Variants in PLEKHF2 observed in about 807,000 individuals in gnomAD.
PLEKHF2 encodes pleckstrin homology domain-containing family F member 2.
Under a neutral mutation model 14.7 loss-of-function variants are expected in PLEKHF2, and 4 were observed. The ratio of observed to expected loss-of-function variants is 0.27; its 90% CI spans 0.13 to 0.62. The LOEUF (loss-of-function observed/expected upper bound fraction) is 0.62, where lower values mean the gene tolerates loss of function less well. PLEKHF2 is among the 20% of genes least tolerant of loss of function. The pLI is 0.85. For missense variants in PLEKHF2, 201 were observed against 307.7 expected, an observed-to-expected ratio of 0.65 and a Z score of 2.60; for synonymous variants, 90 against 103.5, an observed-to-expected ratio of 0.87 and a Z score of 0.79.
At chr8:95,134,648 A>T (rs1187428463) in intron 1 of PLEKHF2, among the ~76,000 whole-genome samples, 1 of 152,082 alleles carries the variant, frequency 6.6e-6, no homozygotes. Context: ...TTTTCTTTTT[A>T]AAAATGTGAT....
At position 95,136,369 on chromosome 8, in the gene PLEKHF2, CACACAT is replaced by C. The variant is rs1295757377; in HGVS notation, c.-15+2340_-15+2345del. Among the ~76,000 whole-genome samples, 878 of 145,046 alleles carry C rather than the reference CACACAT, an allele frequency of 6.1e-3. 11 individuals are homozygous for C. Among genetic ancestry groups the C allele is most frequent in the African/African-American group, 0.022 (823 of 37,982 alleles). ...ACACACACACACACACACACACACA[CACACAT>C]GTTTTGTTGTTGTTTTGTTGAGAAT... On this transcript the variant is annotated intron_variant, in intron 1 of 1. Coordinates refer to ENST00000315367, the MANE Select transcript of PLEKHF2 (RefSeq NM_024613.4).
chr8:95,148,545 A>G (rs190522871), intron 1 of PLEKHF2, among the ~76,000 whole-genome samples: 3 of 152,228 alleles, frequency 2.0e-5, no homozygotes, highest in Non-Finnish European at 4.4e-5. Flanking sequence ...AGATCTTAGA[A>G]TAGGTAAAAA....
At chr8:95,153,550 A>G (rs74666585) in intron 1 of PLEKHF2, among the ~76,000 whole-genome samples, 4 of 152,310 alleles carry the variant, frequency 2.6e-5, no homozygotes, top group African/African-American at 2.4e-5. Flanking sequence ...GCCAGGACAC[A>G]TGTTGGGAAA....
At chr8:95,145,903 A>G (rs942312449) in intron 1 of PLEKHF2, among the ~76,000 whole-genome samples, 1 of 152,160 alleles carries the variant, frequency 6.6e-6, no homozygotes, top group Non-Finnish European at 1.5e-5. Flanking sequence ...TAAGAGAGGA[A>G]TAGTTTGCTT....
chr8:95,146,123 A>G (rs1810497662), intron 1 of PLEKHF2, among the ~76,000 whole-genome samples: 1 of 152,262 alleles, frequency 6.6e-6, no homozygotes, highest in East Asian at 1.9e-4. Flanking sequence ...AAGTAAGTCT[A>G]CAGTAAACCA....
chr8:95,148,218 C>A (rs1289579528), intron 1 of PLEKHF2, among the ~76,000 whole-genome samples: 2 of 151,776 alleles, frequency 1.3e-5, no homozygotes, highest in African/African-American at 2.4e-5. Context: ...AAAACTACCC[C>A]TTTATTCTCA....
intron 1 of PLEKHF2, among the ~76,000 whole-genome samples, chr8:95,150,996 A>T (rs1231165910): frequency 1.3e-5 from 2 of 152,156 alleles, no homozygotes; most frequent in African/African-American, 4.8e-5. Context: ...GAGGAAATAC[A>T]GTAATAAGTG....
Position 95,154,962 on chromosome 8 carries a change from T to C in PLEKHF2, c.*168T>C. On this transcript the variant is annotated 3_prime_UTR_variant, in exon 2 of 2. Coordinates refer to ENST00000315367, the MANE Select transcript of PLEKHF2 (RefSeq NM_024613.4). The surrounding 1 kb of genome is among the most constrained non-coding windows in gnomAD (Gnocchi z 5.6). ...TCCATAGAAAGTAGGTCCCCCTGCC[T>C]TCTCCCACTCCTCACACTCTTCTAC... 2 of 727,332 alleles carry C rather than the reference T, an allele frequency of 2.7e-6. No individual in the cohort carries two copies. The highest frequency in any genetic ancestry group is 4.5e-6 in the Non-Finnish European group (2 of 441,048). 45.1% of individuals were successfully genotyped at this position (727,332 alleles called of 1,614,324 possible). A position where few individuals can be genotyped will look rare whatever the true frequency, so the allele number is the denominator to read the frequency against.
rs536012150 is a variant in PLEKHF2 at position 95,154,952 on chromosome 8, T to C, written c.*158T>C. On this transcript the variant is annotated 3_prime_UTR_variant, in exon 2 of 2. Transcript: ENST00000315367. The surrounding 1 kb of genome is among the most constrained non-coding windows in gnomAD (Gnocchi z 5.6). ...CTCAATATATTCCATAGAAAGTAGG[T>C]CCCCCTGCCTTCTCCCACTCCTCAC... 4 of 807,930 alleles carry C rather than the reference T, an allele frequency of 5.0e-6. No individual in the cohort carries two copies. The highest frequency in any genetic ancestry group is 7.8e-6 in the Non-Finnish European group (4 of 513,978). The allele number at this position is 807,930 out of a possible 1,614,324, so 50.0% of individuals were successfully genotyped here. A position where few individuals can be genotyped will look rare whatever the true frequency, so the allele number is the denominator to read the frequency against.
At position 95,141,247 on chromosome 8, in the gene PLEKHF2, C is replaced by T. The variant is rs970516747; in HGVS notation, c.-15+7217C>T. Among the ~76,000 whole-genome samples the T allele has an allele frequency of 5.9e-5, 9 of 152,280 alleles. No individual in the cohort carries two copies. In the South Asian group the frequency reaches 1.0e-3, roughly 18 times the overall value. On this transcript the variant is annotated intron_variant, in intron 1 of 1. Coordinates refer to ENST00000315367, the MANE Select transcript of PLEKHF2 (RefSeq NM_024613.4). The stretch of plus-strand genomic sequence containing the variant: ...ATCCAGTCTGCAATTCTGAATCTGA[C>T]CTATCCTTTATTTTCCTATTGTAAG...
intron 1 of PLEKHF2, among the ~76,000 whole-genome samples, chr8:95,148,283 C>G (rs10101612): frequency 0.08 from 12,134 of 151,868 alleles, 666 homozygotes; most frequent in African/African-American, 0.14. Flanking sequence ...AAAGTATTTT[C>G]GACCCAGATA....
In PLEKHF2 at chr8:95,154,068, T is replaced by G; in HGVS notation, c.24T>G (p.Ser8Arg). MVDRLAN[S>R]EANTRRISIV... Reference sequence around the variant, plus strand: ...AGATGGTGGATCGCTTGGCAAACAGTGAAGCAAATACTAGACGTATAAGTA... The same window carrying G: ...AGATGGTGGATCGCTTGGCAAACAGGGAAGCAAATACTAGACGTATAAGTA... The change falls in exon 2 of 2, where the codon AGT (serine) becomes AGG (arginine). Residue 8 changes from serine to arginine, a missense_variant. Ser to Arg is a moderately radical substitution (Grantham distance 110). Transcript: ENST00000315367. This position sits in a 1 kb window ranked among gnomAD's most constrained non-coding sequence, Gnocchi z 5.6. 1 of 1,592,524 alleles carries G rather than the reference T, an allele frequency of 6.3e-7. No homozygotes were observed. The highest frequency in any genetic ancestry group is 8.6e-7 in the Non-Finnish European group (1 of 1,168,776).
chr8:95,148,030 A>G (rs752430520), intron 1 of PLEKHF2, among the ~76,000 whole-genome samples: 31 of 152,088 alleles, frequency 2.0e-4, no homozygotes, highest in Non-Finnish European at 1.5e-4. Context: ...TTCAAACTCA[A>G]GAATTAATGA....
chr8:95,146,228 A>G (rs1034145636), intron 1 of PLEKHF2, among the ~76,000 whole-genome samples: 1 of 152,160 alleles, frequency 6.6e-6, no homozygotes, highest in African/African-American at 2.4e-5. Flanking sequence ...AAAAAAAGGT[A>G]AGTAATTTGT....
In PLEKHF2 at chr8:95,155,165, T is replaced by A. The variant is rs1810603860; in HGVS notation, c.*371T>A. ...CAGAATGGTGGGAAAGGGGCTATAATGTGGTTCATTAATAATGTTAGCAGC... is the reference window on the plus strand; with the variant it reads ...CAGAATGGTGGGAAAGGGGCTATAAAGTGGTTCATTAATAATGTTAGCAGC... On this transcript the variant is annotated 3_prime_UTR_variant, in exon 2 of 2. Transcript: ENST00000315367. 9.8e-6 allele frequency: 2 copies of A among 203,836 alleles called. No homozygotes were observed. The highest frequency in any genetic ancestry group is 2.2e-5 in the Non-Finnish European group (2 of 89,468). The allele number at this position is 203,836 out of a possible 1,614,324, so 12.6% of individuals were successfully genotyped here.
chr8:95,151,054 C>A (rs534728334), intron 1 of PLEKHF2, among the ~76,000 whole-genome samples: 1 of 152,208 alleles, frequency 6.6e-6, no homozygotes, highest in African/African-American at 2.4e-5. Context: ...AGAGTTCATT[C>A]CAGGTTAAGT....
rs1420353067 is a variant in PLEKHF2, at chr8:95,154,941, T to C, written c.*147T>C. 1.0e-6 allele frequency: 1 copy of C among 952,730 alleles called. No homozygotes were observed. The highest frequency in any genetic ancestry group is 1.6e-6 in the Non-Finnish European group (1 of 642,926). 59.0% of individuals were successfully genotyped at this position (952,730 alleles called of 1,614,324 possible). A position where few individuals can be genotyped will look rare whatever the true frequency, so the allele number is the denominator to read the frequency against. On this transcript the variant is annotated 3_prime_UTR_variant, in exon 2 of 2. Transcript: ENST00000315367. The surrounding 1 kb of genome is among the most constrained non-coding windows in gnomAD (Gnocchi z 5.6). Reference sequence around the variant, plus strand: ...AACCTATGTGCCTCAATATATTCCATAGAAAGTAGGTCCCCCTGCCTTCTC... The same window carrying C: ...AACCTATGTGCCTCAATATATTCCACAGAAAGTAGGTCCCCCTGCCTTCTC...
intron 1 of PLEKHF2, among the ~76,000 whole-genome samples, chr8:95,137,160 G>A (rs760688987): frequency 2.0e-5 from 3 of 152,194 alleles, no homozygotes; most frequent in African/African-American, 4.8e-5. Flanking sequence ...ACTTCTGTAA[G>A]CTTCACTGGA....
At chr8:95,139,252 C>T (rs1040699743) in intron 1 of PLEKHF2, among the ~76,000 whole-genome samples, 1 of 152,000 alleles carries the variant, frequency 6.6e-6, no homozygotes, top group African/African-American at 2.4e-5. Context: ...ACCTGTAATC[C>T]CAGCCCTTTG....
Sources: gnomAD v4.1 joint callset for allele counts (sites outside exome capture counted in the v4.1 genomes callset) on GRCh38, gnomAD v4.1.1 for gene constraint, Gnocchi (gnomAD v3.1) non-coding constraint, MANE v1.5 for transcripts, NCBI Gene and HGNC (gene_info 2026-07-23, HGNC 2026-07-21) for gene names.